The following RAB11FIP5 variants were observed in gnomAD, a reference collection of about 807,000 sequenced individuals.
RAB11FIP5 encodes RAB11 family interacting protein 5.
In RAB11FIP5, 48 loss-of-function variants were observed where a neutral mutation model predicts 85.1. The observed-to-expected ratio is 0.56, with a 90% confidence interval of 0.45 to 0.72. The LOEUF is 0.72. Among genes scored for constraint, RAB11FIP5 ranks in the 30% least tolerant of loss-of-function variants. RAB11FIP5 has a pLI of 0.00. For synonymous variants in RAB11FIP5, 729 were observed against 727.3 expected, an observed-to-expected ratio of 1.00 and a Z score of -0.04; for missense variants, 1,491 against 1,687.0, an observed-to-expected ratio of 0.88 and a Z score of 2.04.
Position 73,088,744 on chromosome 2 carries a change from C to T in RAB11FIP5, c.874G>A (p.Asp292Asn). Residue 292 changes from aspartate (D) to asparagine (N), a missense_variant, in exon 3 of 6, where the codon GAC (aspartate) becomes AAC (asparagine). Transcript: ENST00000486777. ...AACAGCTTGGGGGACTGTGCAGAGT[C>T]CCTGCCTGCAGGGGAAACACACAGA... ...SSWLSTEGGR[D>N]SAQSPKLFTH... The T allele has an allele frequency of 1.3e-6, 2 of 1,586,802 alleles. No homozygotes were observed. The highest frequency in any genetic ancestry group is 8.6e-7 in the Non-Finnish European group (1 of 1,167,856).
In RAB11FIP5 at chr2:73,081,359, G is replaced by C; in HGVS notation, c.1873C>G (p.Pro625Ala). The C allele has an allele frequency of 8.1e-7, 1 of 1,232,914 alleles. No individual in the cohort carries two copies. The allele number at this position is 1,232,914 out of a possible 1,614,324, so 76.4% of individuals were successfully genotyped here. A position where few individuals can be genotyped will look rare whatever the true frequency, so the allele number is the denominator to read the frequency against. ...DIALNSPSPAPSLPSASRASP... is the reference protein window; with the variant it reads ...DIALNSPSPAASLPSASRASP... ...GCCCTCGAGGCACTGGGGAGAGAGG[G>C]AGCAGGTGAAGGAGAGTTTAGTGCT... The change falls in exon 4 of 6, where the codon CCC becomes GCC. Residue 625 changes from proline to alanine, a missense_variant. This residue lies in a region of RAB11FIP5 where 1,211 missense variants were observed against 1,338.0 expected (regional missense o/e 0.91). Coordinates refer to ENST00000486777, the MANE Select transcript of RAB11FIP5 (RefSeq NM_001371272.1). This position sits in a 1 kb window ranked among gnomAD's most constrained non-coding sequence, Gnocchi z 4.2.
At chr2:73,107,985 G>A (rs566617835) in intron 1 of RAB11FIP5, among the ~76,000 whole-genome samples, 3 of 152,310 alleles carry the variant, frequency 2.0e-5, no homozygotes, top group African/African-American at 7.2e-5. Flanking sequence ...AGCCCTCAAA[G>A]ACCATCCCAG....
rs149578939 is a variant in RAB11FIP5, at chr2:73,094,013, C to T, written c.432-4698G>A. The stretch of plus-strand genomic sequence containing the variant: ...GCACACGTTTGTAATCTGAGCTGCT[C>T]GGGAAGCTGAGGCATGAGAATCACT... On this transcript the variant is annotated intron_variant, in intron 1 of 5. Transcript: ENST00000486777. 3.0e-3 allele frequency among the ~76,000 whole-genome samples: 455 copies of T among 150,168 alleles called. 1 individual carries two copies. Among genetic ancestry groups the T allele is most frequent in the African/African-American group, 0.01 (427 of 40,774 alleles).
At position 73,079,754 on chromosome 2, in the gene RAB11FIP5, G is replaced by C; in HGVS notation, c.3478C>G (p.Pro1160Ala). The C allele has an allele frequency of 2.4e-6, 3 of 1,232,630 alleles. No homozygotes were observed. Among genetic ancestry groups the C allele is most frequent in the Non-Finnish European group, 3.0e-6 (3 of 988,330 alleles). 76.4% of individuals were successfully genotyped at this position (1,232,630 alleles called of 1,614,324 possible). A position where few individuals can be genotyped will look rare whatever the true frequency, so the allele number is the denominator to read the frequency against. ...PHEPSPPGGS[P>A]ALLREDLAAA... ...GCGAGGTCCTCCCTAAGTAGGGCAG[G>C]GGAGCCCCCAGGTGGGGAGGGCTCA... is the stretch of plus-strand genomic sequence containing the variant. The change falls in exon 4 of 6, where the codon CCT becomes GCT. Residue 1160 changes from proline to alanine, a missense_variant. By Grantham distance (27) the Pro-to-Ala change is conservative. This residue lies in a region of RAB11FIP5 where 232 missense variants were observed against 259.1 expected (regional missense o/e 0.90). Transcript: ENST00000486777.
At chr2:73,103,398 C>T (rs932315233) in intron 1 of RAB11FIP5, among the ~76,000 whole-genome samples, 1 of 152,126 alleles carries the variant, frequency 6.6e-6, no homozygotes, top group African/African-American at 2.4e-5. Context: ...GCTGTAGGCT[C>T]CAAAGGTCTG....
In RAB11FIP5 at chr2:73,080,458, AG is replaced by A; in HGVS notation, c.2773del (p.Leu925Ter). 1.6e-6 allele frequency: 2 copies of A among 1,233,676 alleles called. No homozygotes were observed. Among genetic ancestry groups the A allele is most frequent in the Non-Finnish European group, 1.0e-6 (1 of 988,848 alleles). 76.4% of individuals were successfully genotyped at this position (1,233,676 alleles called of 1,614,324 possible). On this transcript the variant is annotated frameshift_variant, in exon 4 of 6. Coordinates refer to ENST00000486777, the MANE Select transcript of RAB11FIP5 (RefSeq NM_001371272.1). LOFTEE classifies it high-confidence loss of function. ...EEEEEKAAVG[L>X]SNRGPETEGE... The stretch of plus-strand genomic sequence containing the variant: ...CTCTGTCTCCGGCCCCCTGTTACTC[AG>A]CCCCACTGCGGCCTTCTCCTCCTCC...
In RAB11FIP5 at chr2:73,075,560, T is replaced by C; in HGVS notation, c.3936A>G (p.Ser1312=). The C allele has an allele frequency of 6.2e-7, 1 of 1,613,954 alleles. No individual in the cohort carries two copies. Among genetic ancestry groups the C allele is most frequent in the Non-Finnish European group, 8.5e-7 (1 of 1,179,934 alleles). Residue 1312 remains serine, a synonymous_variant, in exon 6 of 6, where the codon TCA becomes TCG. Coordinates refer to ENST00000486777, the MANE Select transcript of RAB11FIP5 (RefSeq NM_001371272.1). The surrounding 1 kb of genome is among the most constrained non-coding windows in gnomAD (Gnocchi z 4.6). ...DRLLVRIMET[S]PTLLQIPPGP... is the part of the protein sequence containing the mutation. The stretch of plus-strand genomic sequence containing the variant: ...CCGGGGGGATCTGCAGCAGCGTGGG[T>C]GAGGTCTCCATGATCCGCACCAGCA...
In RAB11FIP5 at chr2:73,076,083, C is replaced by G. The variant is rs1399968158; in HGVS notation, c.3681G>C (p.Leu1227=). Residue 1227 remains leucine, a synonymous_variant, in exon 5 of 6, where the codon CTG becomes CTC. Coordinates refer to ENST00000486777, the MANE Select transcript of RAB11FIP5 (RefSeq NM_001371272.1). ...SSLSIALSSG[L]EKLKTVTSGS... ...CAGATGTGACTGTTTTGAGCTTCTC[C>G]AGCCCACTGCTCAGGGCTATGCTCA... The G allele has an allele frequency of 1.9e-6, 3 of 1,614,180 alleles. No homozygotes were observed. In the East Asian group the frequency reaches 6.7e-5, roughly 36 times the overall value.
Position 73,079,955 on chromosome 2 carries a change from C to G in RAB11FIP5, c.3277G>C (p.Gly1093Arg). 8.1e-7 allele frequency: 1 copy of G among 1,232,244 alleles called. No homozygotes were observed. The allele number at this position is 1,232,244 out of a possible 1,614,324, so 76.3% of individuals were successfully genotyped here. ...PGSRESSIHS[G>R]PEELPTPPEP... ...GGGGGAGTGGGCAGCTCTTCTGGAC[C>G]AGAATGAATAGAAGATTCCCTCGAC... The change falls in exon 4 of 6, where the codon GGT (glycine) becomes CGT (arginine). Residue 1093 changes from glycine (G) to arginine (R), a missense_variant. Physicochemically the swap from Gly to Arg is moderately radical, Grantham distance 125. This residue lies in a region of RAB11FIP5 where 48 missense variants were observed against 89.9 expected (regional missense o/e 0.53). Coordinates refer to ENST00000486777, the MANE Select transcript of RAB11FIP5 (RefSeq NM_001371272.1).
rs550028806 is a variant in RAB11FIP5 at position 73,103,681 on chromosome 2, C to A, written c.431+8666G>T. On this transcript the variant is annotated intron_variant, in intron 1 of 5. Coordinates refer to ENST00000486777, the MANE Select transcript of RAB11FIP5 (RefSeq NM_001371272.1). ...ATGAAATGAGGTGATACTGGGAAGG[C>A]ACCCTTAAAAGTAGGCCAAACCACA... Among the ~76,000 whole-genome samples, 12 of 152,270 alleles carry A rather than the reference C, an allele frequency of 7.9e-5. No individual in the cohort carries two copies. The South Asian group carries it at 2.5e-3, about 32-fold the overall frequency.
intron 1 of RAB11FIP5, among the ~76,000 whole-genome samples, chr2:73,098,490 A>G (rs757622756): frequency 6.6e-6 from 1 of 152,242 alleles, no homozygotes; most frequent in Non-Finnish European, 1.5e-5. Flanking sequence ...GCACACGAGC[A>G]TCGGCTCTCA....
In RAB11FIP5 at chr2:73,079,636, G is replaced by T; in HGVS notation, c.3581+15C>A. On this transcript the variant is annotated intron_variant, in intron 4 of 5. Coordinates refer to ENST00000486777, the MANE Select transcript of RAB11FIP5 (RefSeq NM_001371272.1). ...CCCCTTCCTCCTGGACAGTGTTCTG[G>T]GGGTGGATGCTCACCTGGCACTGGG... 4 of 1,232,838 alleles carry T rather than the reference G, an allele frequency of 3.2e-6. No homozygotes were observed. Among genetic ancestry groups the T allele is most frequent in the Non-Finnish European group, 4.0e-6 (4 of 988,510 alleles). The allele number at this position is 1,232,838 out of a possible 1,614,324, so 76.4% of individuals were successfully genotyped here. A position where few individuals can be genotyped will look rare whatever the true frequency, so the allele number is the denominator to read the frequency against.
rs1683784151 is a variant in RAB11FIP5, at chr2:73,073,628, G to C, written c.*1893C>G. 6.6e-6 allele frequency: 1 copy of C among 152,276 alleles called. No individual in the cohort carries two copies. Among genetic ancestry groups the C allele is most frequent in the African/African-American group, 2.4e-5 (1 of 41,460 alleles). The allele number at this position is 152,276 out of a possible 1,614,324, so 9.4% of individuals were successfully genotyped here. A position where few individuals can be genotyped will look rare whatever the true frequency, so the allele number is the denominator to read the frequency against. On this transcript the variant is annotated 3_prime_UTR_variant, in exon 6 of 6. Coordinates refer to ENST00000486777, the MANE Select transcript of RAB11FIP5 (RefSeq NM_001371272.1). Reference sequence around the variant, plus strand: ...GCATTAGGGAGGCCCACAAAGGTCAGGGCCAGGGCTGGGAGTGAATAAAGC... The same window carrying C: ...GCATTAGGGAGGCCCACAAAGGTCACGGCCAGGGCTGGGAGTGAATAAAGC...
chr2:73,079,629 TG>T, intron 4 of RAB11FIP5, 21 bp downstream of exon 4: 2 of 1,232,696 alleles, frequency 1.6e-6, no homozygotes, highest in Non-Finnish European at 2.0e-6. Flanking sequence ...TCCTGGACAG[TG>T]TTCTGGGGGT....
chr2:73,079,461 C>T (rs975852462), intron 4 of RAB11FIP5, among the ~76,000 whole-genome samples, 190 bp downstream of exon 4: 1 of 152,206 alleles, frequency 6.6e-6, no homozygotes, highest in Admixed American at 6.5e-5. Flanking sequence ...CCCAAGACAG[C>T]AGCTTCAGAG....
rs1684168479 is a variant in RAB11FIP5, at chr2:73,089,586, G to A, written c.432-271C>T. 1.9e-6 allele frequency: 1 copy of A among 524,128 alleles called. No individual in the cohort carries two copies. The highest frequency in any genetic ancestry group is 3.5e-6 in the Non-Finnish European group (1 of 286,954). The allele number at this position is 524,128 out of a possible 1,614,324, so 32.5% of individuals were successfully genotyped here. On this transcript the variant is annotated intron_variant, in intron 1 of 5. Transcript: ENST00000486777. The surrounding 1 kb of genome is among the most constrained non-coding windows in gnomAD (Gnocchi z 4.6). ...GGTAGGGCGGCGGTTACCACACCATGCCTCCTCCCACCCCAGGACCTTCTC... is the reference window on the plus strand; with the variant it reads ...GGTAGGGCGGCGGTTACCACACCATACCTCCTCCCACCCCAGGACCTTCTC...
At chr2:73,077,089 C>G (rs1039611578) in intron 4 of RAB11FIP5, among the ~76,000 whole-genome samples, 1 of 152,176 alleles carries the variant, frequency 6.6e-6, no homozygotes, top group African/African-American at 2.4e-5. Flanking sequence ...CTCCTCCTCC[C>G]TGCATCCTAC....
Position 73,080,677 on chromosome 2 carries a change from C to A in RAB11FIP5, c.2555G>T (p.Arg852Leu), listed in dbSNP as rs186688120. 4.1e-6 allele frequency: 5 copies of A among 1,232,326 alleles called. No homozygotes were observed. Among genetic ancestry groups the A allele is most frequent in the Non-Finnish European group, 1.0e-6 (1 of 988,080 alleles). 76.3% of individuals were successfully genotyped at this position (1,232,326 alleles called of 1,614,324 possible). ...GGGAGCAGGCTCATCAGACTCTCCC[C>A]GAAAGACTAGTGAGGCTGTCTCAGC... Reference protein sequence around the residue: ...PAAETASLVFRGESDEPAPQV... With the variant: ...PAAETASLVFLGESDEPAPQV... The change falls in exon 4 of 6, where the codon CGG becomes CTG. Residue 852 changes from arginine to leucine, a missense_variant. Coordinates refer to ENST00000486777, the MANE Select transcript of RAB11FIP5 (RefSeq NM_001371272.1).
Position 73,075,686 on chromosome 2 carries a change from G to A in RAB11FIP5, c.3810C>T (p.His1270=), listed in dbSNP as rs2106099136. ...AVLDQSAKYY[H]LTHDELISLL... is the part of the protein sequence containing the mutation. ...GGCTGATGAGCTCATCGTGGGTCAG[G>A]TGGTAGTACTTGGCCGACTGGTCCA... The change falls in exon 6 of 6, where the codon CAC becomes CAT. Residue 1270 remains histidine (H), a synonymous_variant. Transcript: ENST00000486777. This position sits in a 1 kb window ranked among gnomAD's most constrained non-coding sequence, Gnocchi z 4.6. 1 of 1,612,912 alleles carries A rather than the reference G, an allele frequency of 6.2e-7. No individual in the cohort carries two copies. The highest frequency in any genetic ancestry group is 1.1e-5 in the South Asian group (1 of 90,880).
Sources: allele counts gnomAD v4.1 joint callset (sites outside exome capture counted in the v4.1 genomes callset), GRCh38; gene constraint gnomAD v4.1.1; regional missense constraint gnomAD v4.1.1; non-coding constraint Gnocchi (gnomAD v3.1); transcripts MANE v1.5; gene names NCBI Gene and HGNC (gene_info 2026-07-23, HGNC 2026-07-21).